Variants in TMEM115 observed in about 807,000 individuals in gnomAD.
TMEM115 encodes transmembrane protein 115.
Under a neutral mutation model 20.1 loss-of-function variants are expected in TMEM115, and 8 were observed. The ratio of observed to expected loss-of-function variants is 0.40; its 90% CI spans 0.23 to 0.72. TMEM115 has a LOEUF of 0.72. TMEM115 is among the 30% of genes least tolerant of loss of function. TMEM115 has a pLI of 0.39. For synonymous variants in TMEM115, 229 were observed against 206.2 expected (o/e 1.11, Z -0.95); for missense variants, 374 against 455.1 (o/e 0.82, Z 1.62).
rs11541768 is a variant in TMEM115, at chr3:50,359,248, G to C, written c.-185C>G. On this transcript the variant is annotated 5_prime_UTR_variant, in exon 1 of 2. Transcript: ENST00000266025. ...CCGAGGGGCCGAGTCGGGCCTTGTTGCCGGGCCGCAGCGTAGGCCCCTCGC... is the reference window on the plus strand; with the variant it reads ...CCGAGGGGCCGAGTCGGGCCTTGTTCCCGGGCCGCAGCGTAGGCCCCTCGC... The C allele has an allele frequency of 1.7e-5, 17 of 1,002,482 alleles. No individual in the cohort carries two copies. The highest frequency in any genetic ancestry group is 2.3e-5 in the Non-Finnish European group (16 of 708,384). 62.1% of individuals were successfully genotyped at this position (1,002,482 alleles called of 1,614,324 possible).
intron 1 of TMEM115, 95 bp from the exon 2 acceptor site, chr3:50,355,642 C>G (rs1164564102): frequency 4.6e-6 from 5 of 1,077,732 alleles, no homozygotes; most frequent in East Asian, 5.9e-5. Context: ...ACCGTACCAC[C>G]TAGACTCCTC....
At chr3:50,357,219 G>T (rs1250188581) in intron 1 of TMEM115, among the ~76,000 whole-genome samples, 1 of 152,168 alleles carries the variant, frequency 6.6e-6, no homozygotes, top group Non-Finnish European at 1.5e-5. Flanking sequence ...TCCCCAGCTG[G>T]AACTCCTTCA....
At position 50,358,954 on chromosome 3, in the gene TMEM115, G is replaced by A; in HGVS notation, c.110C>T (p.Ser37Phe). 1 of 1,611,432 alleles carries A rather than the reference G, an allele frequency of 6.2e-7. No individual in the cohort carries two copies. The highest frequency in any genetic ancestry group is 1.3e-5 in the African/African-American group (1 of 75,056). Residue 37 changes from serine (S) to phenylalanine (F), a missense_variant, in exon 1 of 2, where the codon TCC (serine) becomes TTC (phenylalanine). By Grantham distance (155) the Ser-to-Phe change is radical. Coordinates refer to ENST00000266025, the MANE Select transcript of TMEM115 (RefSeq NM_007024.5). ...CAGGCAGCCTGTGTCCACGGCGAAGGAGAGCAGGTAGAGGAATAGTACCGC... is the reference window on the plus strand; with the variant it reads ...CAGGCAGCCTGTGTCCACGGCGAAGAAGAGCAGGTAGAGGAATAGTACCGC... ...CAAVLFLYLL[S>F]FAVDTGCLAV...
At chr3:50,356,276 C>T (rs1253920186) in intron 1 of TMEM115, among the ~76,000 whole-genome samples, 1 of 152,216 alleles carries the variant, frequency 6.6e-6, no homozygotes, top group African/African-American at 2.4e-5. Context: ...AGAGGCCCCA[C>T]TTTGAGGGCA....
In TMEM115 at chr3:50,354,876, A is replaced by G. The variant is rs1206332728; in HGVS notation, c.*467T>C. 6.5e-6 allele frequency: 1 copy of G among 154,286 alleles called. No homozygotes were observed. Among genetic ancestry groups the G allele is most frequent in the Non-Finnish European group, 1.4e-5 (1 of 69,330 alleles). The allele number at this position is 154,286 out of a possible 1,614,324, so 9.6% of individuals were successfully genotyped here. On this transcript the variant is annotated 3_prime_UTR_variant, in exon 2 of 2. Coordinates refer to ENST00000266025, the MANE Select transcript of TMEM115 (RefSeq NM_007024.5). ...CCAGAAGCAGTCACCGCCACAGCAG[A>G]GGGAAACAAATCCTGACAGGAACAG...
chr3:50,357,320 C>T (rs1703892182), intron 1 of TMEM115, among the ~76,000 whole-genome samples: 1 of 152,210 alleles, frequency 6.6e-6, no homozygotes, highest in South Asian at 2.1e-4. Flanking sequence ...CTTCCTGCCA[C>T]AACCCCATTC....
chr3:50,358,107 C>G, intron 1 of TMEM115, 106 bp downstream of exon 1: 1 of 1,465,696 alleles, frequency 6.8e-7, no homozygotes, highest in African/African-American at 1.4e-5. Flanking sequence ...TGCCCCAATA[C>G]CTGACTGTAG....
intron 1 of TMEM115, among the ~76,000 whole-genome samples, chr3:50,356,381 A>G (rs1196780477): frequency 6.6e-6 from 1 of 152,212 alleles, no homozygotes. Context: ...AACCGTTTCA[A>G]CAGTGACCAC....
chr3:50,359,276 G>A lies in TMEM115; in HGVS notation c.-213C>T. 1 of 744,170 alleles carries A rather than the reference G, an allele frequency of 1.3e-6. No homozygotes were observed. The highest frequency in any genetic ancestry group is 2.8e-5 in the East Asian group (1 of 35,682). 46.1% of individuals were successfully genotyped at this position (744,170 alleles called of 1,614,324 possible). ...GGGCCGCAGCGTAGGCCCCTCGCCCGGGACCTGAGGGAAGGCCCTGGACGG... is the reference window on the plus strand; with the variant it reads ...GGGCCGCAGCGTAGGCCCCTCGCCCAGGACCTGAGGGAAGGCCCTGGACGG... On this transcript the variant is annotated 5_prime_UTR_variant, in exon 1 of 2. Transcript: ENST00000266025.
chr3:50,355,242 CCTT>C lies in TMEM115; in HGVS notation c.*98_*100del, dbSNP rs1462350813. On this transcript the variant is annotated 3_prime_UTR_variant, in exon 2 of 2. Transcript: ENST00000266025. ...GAAGGCCATGGAAAGCCCCAGCAGG[CCTT>C]CTTCCCTCTCCTCAGAGCAGTCAGG... 1.1e-6 allele frequency: 1 copy of C among 906,200 alleles called. No individual in the cohort carries two copies. Among genetic ancestry groups the C allele is most frequent in the African/African-American group, 1.7e-5 (1 of 58,160 alleles). 56.1% of individuals were successfully genotyped at this position (906,200 alleles called of 1,614,324 possible). A position where few individuals can be genotyped will look rare whatever the true frequency, so the allele number is the denominator to read the frequency against.
At chr3:50,355,578 C>T in intron 1 of TMEM115, 31 bp from the exon 2 acceptor site, 1 of 1,557,896 alleles carries the variant, frequency 6.4e-7, no homozygotes, top group Non-Finnish European at 8.7e-7. Flanking sequence ...AAAGGTCACT[C>T]TGGGTTTGGC....
At position 50,358,927 on chromosome 3, in the gene TMEM115, G is replaced by A. The variant is rs1259315192; in HGVS notation, c.137C>T (p.Ala46Val). ...AGGAAAGAGGTAGCCCGGGGTGACC[G>A]CCAGGCAGCCTGTGTCCACGGCGAA... ...LSFAVDTGCLAVTPGYLFPPN... is the reference protein window; with the variant it reads ...LSFAVDTGCLVVTPGYLFPPN... Residue 46 changes from alanine to valine, a missense_variant, in exon 1 of 2, where the codon GCG (alanine) becomes GTG (valine). Ala to Val is a moderately conservative substitution (Grantham distance 64). Transcript: ENST00000266025. 1.2e-6 allele frequency: 2 copies of A among 1,612,546 alleles called. No homozygotes were observed. The highest frequency in any genetic ancestry group is 2.2e-5 in the South Asian group (2 of 91,052).
intron 1 of TMEM115, 36 bp from the exon 2 acceptor site, chr3:50,355,583 T>G: frequency 6.5e-7 from 1 of 1,549,530 alleles, no homozygotes. Flanking sequence ...TCACTCTGGG[T>G]TTGGCCTTGG....
intron 1 of TMEM115, among the ~76,000 whole-genome samples, chr3:50,357,240 G>A (rs1266416575): frequency 1.3e-5 from 2 of 152,216 alleles, no homozygotes; most frequent in African/African-American, 2.4e-5. Flanking sequence ...AGAAAGGAGT[G>A]TGTCCCACAC....
chr3:50,358,540 G>A lies in TMEM115; in HGVS notation c.524C>T (p.Ala175Val), dbSNP rs1170484548. The change falls in exon 1 of 2, where the codon GCG becomes GTG. Residue 175 changes from alanine (A) to valine (V), a missense_variant. Transcript: ENST00000266025. Reference protein sequence around the residue: ...RVSVMPMLLLALLLLLRLATL... With the variant: ...RVSVMPMLLLVLLLLLRLATL... ...GGCGAGCCGCAGCAGGAGCAGCAGC[G>A]CCAGCAGCAGCATGGGCATCACACT... is the stretch of plus-strand genomic sequence containing the variant. 6.2e-7 allele frequency: 1 copy of A among 1,611,006 alleles called. No homozygotes were observed. Among genetic ancestry groups the A allele is most frequent in the African/African-American group, 1.3e-5 (1 of 74,982 alleles).
At position 50,358,569 on chromosome 3, in the gene TMEM115, G is replaced by C. The variant is rs371455547; in HGVS notation, c.495C>G (p.Arg165=). 1 of 1,609,996 alleles carries C rather than the reference G, an allele frequency of 6.2e-7. No individual in the cohort carries two copies. Among genetic ancestry groups the C allele is most frequent in the South Asian group, 1.1e-5 (1 of 90,908 alleles). Residue 165 remains arginine, a synonymous_variant, in exon 1 of 2, where the codon CGC becomes CGG. Coordinates refer to ENST00000266025, the MANE Select transcript of TMEM115 (RefSeq NM_007024.5). ...GCAGCAGCATGGGCATCACACTGAC[G>C]CGCACCTGGGGCACTCGCAGGACCA... ...DCVVLRVPQV[R]VSVMPMLLLA...
Position 50,354,862 on chromosome 3 carries a change from C to T in TMEM115, c.*481G>A, listed in dbSNP as rs919939812. The T allele has an allele frequency of 1.3e-5, 2 of 153,538 alleles. No homozygotes were observed. The highest frequency in any genetic ancestry group is 2.9e-5 in the Non-Finnish European group (2 of 68,758). The allele number at this position is 153,538 out of a possible 1,614,324, so 9.5% of individuals were successfully genotyped here. On this transcript the variant is annotated 3_prime_UTR_variant, in exon 2 of 2. Transcript: ENST00000266025. ...GGAGCTGTTCTGGTCCAGAAGCAGT[C>T]ACCGCCACAGCAGAGGGAAACAAAT...
At position 50,355,383 on chromosome 3, in the gene TMEM115, G is replaced by C. The variant is rs765472117; in HGVS notation, c.1016C>G (p.Ser339Cys). The C allele has an allele frequency of 2.6e-6, 4 of 1,551,788 alleles. No individual in the cohort carries two copies. Among genetic ancestry groups the C allele is most frequent in the Non-Finnish European group, 3.5e-6 (4 of 1,148,832 alleles). ...TPPGKGAAPE[S>C]SLITFEAAPP... is the part of the protein sequence containing the mutation. ...AGCTGCCTCGAAGGTGATTAGACTG[G>C]ATTCTGGGGCAGCCCCCTTCCCTGG... Residue 339 changes from serine to cysteine, a missense_variant, in exon 2 of 2, where the codon TCC becomes TGC. By Grantham distance (112) the Ser-to-Cys change is moderately radical. Transcript: ENST00000266025.
rs757492923 is a variant in TMEM115 at position 50,355,299 on chromosome 3, G to C, written c.*44C>G. ...CCTGGAGTAGCTGAGAGGATGTCAA[G>C]GGGGGCTTGGGAGGGGAGGTGCCAC... is the stretch of plus-strand genomic sequence containing the variant. On this transcript the variant is annotated 3_prime_UTR_variant, in exon 2 of 2. Transcript: ENST00000266025. 5.8e-6 allele frequency: 8 copies of C among 1,387,492 alleles called. No homozygotes were observed. In the African/African-American group the frequency reaches 1.0e-4, roughly 18 times the overall value. 85.9% of individuals were successfully genotyped at this position (1,387,492 alleles called of 1,614,324 possible).
Sources: allele counts gnomAD v4.1 joint callset (sites outside exome capture counted in the v4.1 genomes callset), GRCh38; gene constraint gnomAD v4.1.1; transcripts MANE v1.5; gene names NCBI Gene and HGNC (gene_info 2026-07-23, HGNC 2026-07-21).